Variants in NBEA observed in about 807,000 individuals in gnomAD.
NBEA encodes the protein neurobeachin.
A neutral mutation model predicts 343.4 loss-of-function variants in NBEA; 44 were observed. The observed-to-expected ratio is 0.13, with a 90% CI of 0.10 to 0.16. The LOEUF (loss-of-function observed/expected upper bound fraction) is 0.16, where lower values mean the gene tolerates loss of function less well. Ranked by LOEUF, NBEA falls within the 10% of genes least tolerant of loss-of-function variation. The probability of loss-of-function intolerance (pLI) is 1.00; values close to 1 mark genes in which losing one functional copy is unlikely to be tolerated. For synonymous variants in NBEA, 1,175 were observed against 1,238.7 expected (o/e 0.95, Z 1.08); for missense variants, 2,555 against 3,631.3 (o/e 0.70, Z 7.62).
chr13:35,606,157 A>G (rs369167369), intron 47 of NBEA, among the ~76,000 whole-genome samples: 21 of 152,250 alleles, frequency 1.4e-4, no homozygotes, highest in African/African-American at 4.3e-4. Flanking sequence ...ATTTCTCTTC[A>G]TTAATTTATG....
At position 35,110,797 on chromosome 13, in the gene NBEA, T is replaced by C. The variant is rs775221005; in HGVS notation, c.1834-13T>C. The C allele has an allele frequency of 9.4e-6, 15 of 1,597,876 alleles. No individual in the cohort carries two copies. In the Admixed American group the frequency reaches 2.4e-4, roughly 25 times the overall value. The stretch of plus-strand genomic sequence containing the variant: ...TAAATTCATTTTAATGATCTGTTAA[T>C]ATTCTGTATTAGGTTCAGCTTTCCC... On this transcript the variant is annotated splice_polypyrimidine_tract_variant and intron_variant, in intron 12 of 58. Coordinates refer to ENST00000379939, the MANE Select transcript of NBEA (RefSeq NM_001385012.1).
intron 38 of NBEA, among the ~76,000 whole-genome samples, chr13:35,377,919 A>G (rs1283844405): frequency 6.6e-6 from 1 of 152,194 alleles, no homozygotes; most frequent in Non-Finnish European, 1.5e-5. Flanking sequence ...GTGTCTTTTC[A>G]TTGAAGTTTC....
At chr13:34,994,904 G>A (rs191367508) in intron 1 of NBEA, among the ~76,000 whole-genome samples, 6 of 152,266 alleles carry the variant, frequency 3.9e-5, no homozygotes, top group Admixed American at 1.3e-4. Context: ...GATAATGTTC[G>A]TATTTGAATA....
intron 1 of NBEA, among the ~76,000 whole-genome samples, chr13:35,024,582 G>C (rs2152543841): frequency 6.6e-6 from 1 of 152,200 alleles, no homozygotes; most frequent in Middle Eastern, 3.4e-3. Context: ...TGGGAGGCTG[G>C]GGCTGGAGAA....
chr13:35,393,658 T>A (rs1015740265), intron 38 of NBEA, among the ~76,000 whole-genome samples: 3 of 152,252 alleles, frequency 2.0e-5, no homozygotes, highest in African/African-American at 7.2e-5. Flanking sequence ...AATTTCTGTA[T>A]GTAAATGGTA....
chr13:35,472,844 G>A (rs1388923974), intron 41 of NBEA, among the ~76,000 whole-genome samples: 1 of 152,202 alleles, frequency 6.6e-6, no homozygotes, highest in Admixed American at 6.5e-5. Context: ...CTCAGGCTCT[G>A]AGGCTGACTT....
In NBEA at chr13:35,170,960, T is replaced by C. The variant is rs1593596842; in HGVS notation, c.4243-312T>C. ...ACAAAACAAAACTAGTATAAGTACA[T>C]ATATGTGGTTCTGTCTAAATATCTT... On this transcript the variant is annotated intron_variant, in intron 25 of 58. Transcript: ENST00000379939. 3 of 337,184 alleles carry C rather than the reference T, an allele frequency of 8.9e-6. No homozygotes were observed. In the East Asian group the frequency reaches 2.1e-4, roughly 23 times the overall value. 20.9% of individuals were successfully genotyped at this position (337,184 alleles called of 1,614,324 possible).
intron 38 of NBEA, among the ~76,000 whole-genome samples, chr13:35,378,489 A>T (rs1006911789): frequency 6.6e-6 from 1 of 152,082 alleles, no homozygotes; most frequent in African/African-American, 2.4e-5. Flanking sequence ...CTTTATTTTT[A>T]TTTGTTGGTA....
chr13:35,128,417 G>A (rs1290392278), intron 17 of NBEA, among the ~76,000 whole-genome samples: 6 of 152,020 alleles, frequency 3.9e-5, no homozygotes, highest in Non-Finnish European at 7.4e-5. Flanking sequence ...ACTTCAGAAC[G>A]AACTTTAATT....
chr13:35,021,245 G>A (rs1328812173), intron 1 of NBEA, among the ~76,000 whole-genome samples: 1 of 152,090 alleles, frequency 6.6e-6, no homozygotes, highest in Non-Finnish European at 1.5e-5. Flanking sequence ...CATTCCCTGT[G>A]TCTGCTTTCA....
At chr13:35,399,415 A>T (rs2152905479) in intron 38 of NBEA, among the ~76,000 whole-genome samples, 1 of 152,194 alleles carries the variant, frequency 6.6e-6, no homozygotes, top group Non-Finnish European at 1.5e-5. Flanking sequence ...CACCTTCTTC[A>T]CAAGGCAGCA....
intron 30 of NBEA, among the ~76,000 whole-genome samples, chr13:35,188,746 T>G (rs2071926783): frequency 6.6e-6 from 1 of 152,098 alleles, no homozygotes; most frequent in Non-Finnish European, 1.5e-5. Context: ...ATATATACCC[T>G]GAAGTGGAAT....
At chr13:35,176,023 C>G (rs561825878) in intron 27 of NBEA, among the ~76,000 whole-genome samples, 1 of 152,090 alleles carries the variant, frequency 6.6e-6, no homozygotes, top group South Asian at 2.1e-4. Context: ...TTTTCTTTAA[C>G]CATCCTGTAG....
At chr13:35,530,030 G>A (rs1351388728) in intron 41 of NBEA, among the ~76,000 whole-genome samples, 3 of 152,148 alleles carry the variant, frequency 2.0e-5, no homozygotes, top group African/African-American at 7.2e-5. Context: ...GGATAGAGAT[G>A]GAGCTGGTCT....
chr13:35,083,437 A>G lies in NBEA; in HGVS notation c.1571+12585A>G, dbSNP rs1251108860. Reference sequence around the variant, plus strand: ...CCGCAGAAACTCTACAAGCCAGAAGAGAGTGGGGGCCAATATTCAAAATTC... The same window carrying G: ...CCGCAGAAACTCTACAAGCCAGAAGGGAGTGGGGGCCAATATTCAAAATTC... On this transcript the variant is annotated intron_variant, in intron 10 of 58. Transcript: ENST00000379939. 3.9e-5 allele frequency among the ~76,000 whole-genome samples: 6 copies of G among 152,200 alleles called. No homozygotes were observed. In the South Asian group the frequency reaches 1.0e-3, roughly 26 times the overall value.
At chr13:35,534,120 G>T (rs745731501) in intron 41 of NBEA, among the ~76,000 whole-genome samples, 1 of 152,124 alleles carries the variant, frequency 6.6e-6, no homozygotes, top group Non-Finnish European at 1.5e-5. Flanking sequence ...AGTGATTGCC[G>T]TATCTAAAGT....
intron 38 of NBEA, among the ~76,000 whole-genome samples, chr13:35,370,095 CT>C (rs2041342729): frequency 6.6e-6 from 1 of 151,840 alleles, no homozygotes; most frequent in Admixed American, 6.6e-5. Flanking sequence ...TGTTAATTTT[CT>C]GTCTAGATGA....
At chr13:34,998,892 T>C (rs1035951537) in intron 1 of NBEA, among the ~76,000 whole-genome samples, 14 of 152,158 alleles carry the variant, frequency 9.2e-5, no homozygotes, top group African/African-American at 2.7e-4. Flanking sequence ...GGGTATTGAT[T>C]GGGGAAGTGA....
intron 33 of NBEA, among the ~76,000 whole-genome samples, chr13:35,228,659 G>GTTACT (rs145317057): frequency 0.094 from 14,319 of 151,920 alleles, 703 homozygotes; most frequent in South Asian, 0.12. Flanking sequence ...TTCTGTTTGA[G>GTTACT]TCACTTAAGA....
Sources: allele counts gnomAD v4.1 joint callset (sites outside exome capture counted in the v4.1 genomes callset), GRCh38; gene constraint gnomAD v4.1.1; transcripts MANE v1.5; gene names NCBI Gene and HGNC (gene_info 2026-07-23, HGNC 2026-07-21).